Variants in TJP1 observed in about 807,000 individuals in gnomAD.
TJP1 encodes the protein tight junction protein 1.
A neutral mutation model predicts 194.2 loss-of-function variants in TJP1; 43 were observed. The observed-to-expected ratio is 0.22, with a 90% CI of 0.17 to 0.29. The LOEUF is 0.29. TJP1 is among the 10% of genes least tolerant of loss of function. TJP1 has a pLI of 1.00. For synonymous variants in TJP1, 801 were observed against 779.0 expected, an observed-to-expected ratio of 1.03 and a Z score of -0.47; for missense variants, 1,971 against 2,185.7, an observed-to-expected ratio of 0.90 and a Z score of 1.96.
At chr15:29,873,957 G>A (rs1255217084) in intron 2 of TJP1, among the ~76,000 whole-genome samples, 1 of 152,104 alleles carries the variant, frequency 6.6e-6, no homozygotes, top group East Asian at 1.9e-4. Flanking sequence ...TTACCCAACA[G>A]GCTCAAAACT....
At chr15:29,727,843 C>T in intron 16 of TJP1, 94 bp downstream of exon 16, 3 of 1,005,530 alleles carry the variant, frequency 3.0e-6, no homozygotes, top group Non-Finnish European at 3.0e-6. Context: ...GTAATAGTCT[C>T]AGAAAAACTA....
At chr15:29,722,941 G>A (rs146978498) in intron 18 of TJP1, among the ~76,000 whole-genome samples, 287 of 152,314 alleles carry the variant, frequency 1.9e-3, no homozygotes, top group African/African-American at 6.4e-3. Context: ...GGGGATTGGA[G>A]CTCCTTTGTT....
At position 29,700,827 on chromosome 15, in the gene TJP1, C is replaced by G. The variant is rs897547107; in HGVS notation, c.*768G>C. On this transcript the variant is annotated 3_prime_UTR_variant, in exon 28 of 28. Transcript: ENST00000614355. The stretch of plus-strand genomic sequence containing the variant: ...ATTTCTGAAACCACCAAATGCACAA[C>G]GTACTCAGTCTTTGTCATGATACAG... 2 of 168,840 alleles carry G rather than the reference C, an allele frequency of 1.2e-5. No individual in the cohort carries two copies. Among genetic ancestry groups the G allele is most frequent in the Non-Finnish European group, 2.5e-5 (2 of 79,494 alleles). 10.5% of individuals were successfully genotyped at this position (168,840 alleles called of 1,614,324 possible).
chr15:29,781,671 C>T, intron 2 of TJP1, among the ~76,000 whole-genome samples: 1 of 152,174 alleles, frequency 6.6e-6, no homozygotes, highest in Non-Finnish European at 1.5e-5. Flanking sequence ...ATATGCAAAT[C>T]ATTAAATGTG....
chr15:29,726,563 G>A (rs375536920), intron 17 of TJP1, 84 bp from the exon 18 acceptor site: 18 of 1,340,874 alleles, frequency 1.3e-5, no homozygotes, highest in South Asian at 3.7e-5. Flanking sequence ...CAGCTAAATC[G>A]TCATTACTGA....
chr15:29,928,222 G>A (rs981575154), intron 2 of TJP1, among the ~76,000 whole-genome samples: 1 of 152,076 alleles, frequency 6.6e-6, no homozygotes, highest in Admixed American at 6.6e-5. Context: ...GATAAAAGAT[G>A]AGATTGTTTT....
chr15:29,820,305 A>G (rs1054074371), intron 1 of TJP1, among the ~76,000 whole-genome samples: 1 of 152,058 alleles, frequency 6.6e-6, no homozygotes, highest in African/African-American at 2.4e-5. Context: ...GTCACTGAAT[A>G]TTATTTCATT....
At chr15:29,703,455 C>A (rs2041686748) in intron 27 of TJP1, among the ~76,000 whole-genome samples, 1 of 151,672 alleles carries the variant, frequency 6.6e-6, no homozygotes, top group African/African-American at 2.4e-5. Flanking sequence ...CAAATCAAAA[C>A]AAACAAACAA....
intron 1 of TJP1, among the ~76,000 whole-genome samples, chr15:29,806,380 T>C (rs897839330): frequency 1.3e-5 from 2 of 152,210 alleles, no homozygotes; most frequent in Non-Finnish European, 2.9e-5. Context: ...GATCCCTCAA[T>C]TTTTTAGATC....
chr15:29,711,082 T>G, intron 23 of TJP1, 82 bp from the exon 24 acceptor site: 18 of 1,426,858 alleles, frequency 1.3e-5, no homozygotes, highest in Non-Finnish European at 1.7e-5. Context: ...CATGTATCTC[T>G]AAGTTAAAAA....
At chr15:29,958,971 T>C (rs926630438) in intron 1 of TJP1, among the ~76,000 whole-genome samples, 1 of 152,020 alleles carries the variant, frequency 6.6e-6, no homozygotes, top group Non-Finnish European at 1.5e-5. Flanking sequence ...AATTCTAAAT[T>C]TCTAAAGTAG....
Position 29,710,819 on chromosome 15 carries a change from C to T in TJP1, c.4372+12G>A, listed in dbSNP as rs372003928. On this transcript the variant is annotated intron_variant, in intron 24 of 27. Coordinates refer to ENST00000614355, the MANE Select transcript of TJP1 (RefSeq NM_001330239.4). ...ATTACTGTGTTAAAATGTCTACTTC[C>T]GAACTTCCTACCTTCACCATGTGCT... The T allele has an allele frequency of 1.1e-5, 18 of 1,613,618 alleles. No homozygotes were observed. Among genetic ancestry groups the T allele is most frequent in the African/African-American group, 1.1e-4 (8 of 74,900 alleles).
intron 2 of TJP1, among the ~76,000 whole-genome samples, chr15:29,869,197 G>A (rs1945233657): frequency 6.6e-6 from 1 of 152,198 alleles, no homozygotes; most frequent in Admixed American, 6.5e-5. Flanking sequence ...GAAAGCGAGG[G>A]TGAACAGCGA....
chr15:29,928,005 C>T (rs1055760918), intron 2 of TJP1, among the ~76,000 whole-genome samples: 3 of 151,938 alleles, frequency 2.0e-5, no homozygotes, highest in African/African-American at 4.8e-5. Flanking sequence ...AAACCCATCT[C>T]GGAGGAGAAA....
chr15:29,936,835 A>G (rs2054899306), intron 2 of TJP1, among the ~76,000 whole-genome samples: 1 of 152,162 alleles, frequency 6.6e-6, no homozygotes, highest in Non-Finnish European at 1.5e-5. Flanking sequence ...GGGTTTATCA[A>G]GTTCCCTTAG....
At chr15:29,836,196 G>C (rs1030920608) in intron 2 of TJP1, among the ~76,000 whole-genome samples, 4 of 152,064 alleles carry the variant, frequency 2.6e-5, no homozygotes, top group African/African-American at 9.7e-5. Flanking sequence ...TACAGAGGTG[G>C]ATCAGGAAGC....
chr15:29,949,891 C>T (rs185625400), intron 2 of TJP1, among the ~76,000 whole-genome samples: 71 of 92,544 alleles, frequency 7.7e-4, no homozygotes, highest in African/African-American at 3.4e-3. Flanking sequence ...CCACCACCTC[C>T]ACCTCCACAA....
chr15:29,743,434 A>G (rs975964689), intron 8 of TJP1, among the ~76,000 whole-genome samples: 3 of 152,220 alleles, frequency 2.0e-5, no homozygotes, highest in African/African-American at 7.2e-5. Context: ...TTGGTACTTA[A>G]AAAAAGAAAA....
intron 4 of TJP1, among the ~76,000 whole-genome samples, chr15:29,769,931 A>G (rs1441914315): frequency 6.6e-6 from 1 of 152,192 alleles, no homozygotes; most frequent in Admixed American, 6.5e-5. Context: ...GTTAACTGAG[A>G]AAACAGCCTC....
Sources: gnomAD v4.1 joint callset for allele counts (sites outside exome capture counted in the v4.1 genomes callset) on GRCh38, gnomAD v4.1.1 for gene constraint, MANE v1.5 for transcripts, NCBI Gene and HGNC (gene_info 2026-07-23, HGNC 2026-07-21) for gene names.